The following CDK12 variants were observed in gnomAD, a reference collection of about 807,000 sequenced individuals.
CDK12 encodes the protein cyclin-dependent kinase 12.
Under a neutral mutation model 133.8 loss-of-function variants are expected in CDK12, and 17 were observed. That is an observed-to-expected ratio of 0.13 (90% CI 0.09 to 0.19). CDK12 has a LOEUF of 0.19. Among genes scored for constraint, CDK12 ranks in the 10% least tolerant of loss-of-function variants. The pLI, the probability that CDK12 is intolerant of heterozygous loss-of-function variation, is 1.00. For missense variants in CDK12, 1,508 were observed against 1,818.7 expected, an observed-to-expected ratio of 0.83 and a Z score of 3.11; for synonymous variants, 694 against 683.6, an observed-to-expected ratio of 1.02 and a Z score of -0.24.
Position 39,471,158 on chromosome 17 carries a change from G to T in CDK12, c.1326G>T (p.Leu442Phe). ...CAGTAGAGGCTAAGGATTCAGGTTTGGAGTCTAAAAAGTTACCCAGAAGTG... is the reference window on the plus strand; with the variant it reads ...CAGTAGAGGCTAAGGATTCAGGTTTTGAGTCTAAAAAGTTACCCAGAAGTG... ...NSSVEAKDSG[L>F]ESKKLPRSVK... The change falls in exon 2 of 14, where the codon TTG (leucine) becomes TTT (phenylalanine). Residue 442 changes from leucine to phenylalanine, a missense_variant. Physicochemically the swap from Leu to Phe is conservative, Grantham distance 22. This residue lies in a region of CDK12 where 347 missense variants were observed against 330.8 expected (regional missense o/e 1.05). Transcript: ENST00000447079. The T allele has an allele frequency of 6.3e-7, 1 of 1,583,202 alleles. No individual in the cohort carries two copies. The highest frequency in any genetic ancestry group is 8.6e-7 in the Non-Finnish European group (1 of 1,169,096).
intron 13 of CDK12, among the ~76,000 whole-genome samples, chr17:39,527,957 C>G (rs1251378628): frequency 6.6e-6 from 1 of 151,944 alleles, no homozygotes; most frequent in African/African-American, 2.4e-5. Context: ...TCTCTGTCAC[C>G]CAGGCTGGAA....
intron 1 of CDK12, among the ~76,000 whole-genome samples, chr17:39,542,165 G>A (rs1389290989): frequency 1.3e-5 from 2 of 151,994 alleles, no homozygotes; most frequent in Non-Finnish European, 2.9e-5. Flanking sequence ...ATATATGTGT[G>A]TGTGTGTGTA....
chr17:39,506,550 A>C (rs371718458), intron 6 of CDK12, among the ~76,000 whole-genome samples: 1 of 152,106 alleles, frequency 6.6e-6, no homozygotes, highest in South Asian at 2.1e-4. Context: ...ACTTGTGTTC[A>C]GCTCTCTAGG....
rs1363432646 is a variant in CDK12, at chr17:39,471,106, T to C, written c.1274T>C (p.Val425Ala). 3 of 1,608,870 alleles carry C rather than the reference T, an allele frequency of 1.9e-6. No individual in the cohort carries two copies. The highest frequency in any genetic ancestry group is 2.5e-6 in the Non-Finnish European group (3 of 1,178,626). Residue 425 changes from valine to alanine, a missense_variant, in exon 2 of 14, where the codon GTA (valine) becomes GCA (alanine). Coordinates refer to ENST00000447079, the MANE Select transcript of CDK12 (RefSeq NM_016507.4). ...GGAAAGGAGTCCAAGGGTTCACCTGTATTTTTGCCTAGAAAAGAGAACAGT... is the reference window on the plus strand; with the variant it reads ...GGAAAGGAGTCCAAGGGTTCACCTGCATTTTTGCCTAGAAAAGAGAACAGT... ...MDGKESKGSP[V>A]FLPRKENSSV...
At chr17:39,482,184 G>A (rs1304468639) in intron 2 of CDK12, among the ~76,000 whole-genome samples, 1 of 151,014 alleles carries the variant, frequency 6.6e-6, no homozygotes, top group East Asian at 2.0e-4. Context: ...TGCTAATTTT[G>A]TGTTTTTAAT....
intron 2 of CDK12, among the ~76,000 whole-genome samples, chr17:39,477,958 G>A (rs987765801): frequency 4.0e-5 from 6 of 151,354 alleles, no homozygotes; most frequent in East Asian, 3.9e-4. Context: ...TGCCTGCCTC[G>A]GCCTCCCAAA....
At chr17:39,542,933 C>T (rs559226217), upstream of CDK12, among the ~76,000 whole-genome samples, 1 of 152,318 alleles carries the variant, frequency 6.6e-6, no homozygotes, top group Admixed American at 6.5e-5. Context: ...TCAGAGTTAA[C>T]CCAAACTTCA....
At chr17:39,506,128 A>G (rs2053104184) in intron 6 of CDK12, among the ~76,000 whole-genome samples, 1 of 152,124 alleles carries the variant, frequency 6.6e-6, no homozygotes, top group South Asian at 2.1e-4. Flanking sequence ...CAGACAAGTA[A>G]AAGGACTAAC....
intron 7 of CDK12, 118 bp downstream of exon 7, chr17:39,509,879 C>T (rs1171848258): frequency 8.1e-6 from 6 of 742,810 alleles, no homozygotes; most frequent in South Asian, 6.3e-5. Context: ...CAGCTCGCTG[C>T]AGCCTCAACC....
At chr17:39,554,428 G>T (rs768725203) in intron 2 of CDK12, among the ~76,000 whole-genome samples, 1 of 152,138 alleles carries the variant, frequency 6.6e-6, no homozygotes, top group Non-Finnish European at 1.5e-5. Context: ...TGTGTGCCAG[G>T]TGGGCAGTAT....
At chr17:39,465,052 C>A (rs1044017616) in intron 1 of CDK12, among the ~76,000 whole-genome samples, 2 of 151,700 alleles carry the variant, frequency 1.3e-5, no homozygotes, top group Non-Finnish European at 2.9e-5. Flanking sequence ...TTGAGACCAG[C>A]GTGGCCAATG....
chr17:39,533,565 A>C lies in CDK12; in HGVS notation c.*2249A>C, dbSNP rs1397175224. On this transcript the variant is annotated 3_prime_UTR_variant, in exon 14 of 14. Coordinates refer to ENST00000447079, the MANE Select transcript of CDK12 (RefSeq NM_016507.4). The stretch of plus-strand genomic sequence containing the variant: ...ATTTCATTGTATTTTGGTTATCAGC[A>C]GTCATCAATAATGTTTTTCCCTCCC... The C allele has an allele frequency of 4.3e-6, 1 of 233,128 alleles. No homozygotes were observed. Among genetic ancestry groups the C allele is most frequent in the Non-Finnish European group, 8.5e-6 (1 of 117,970 alleles). The allele number at this position is 233,128 out of a possible 1,614,324, so 14.4% of individuals were successfully genotyped here.
chr17:39,527,651 G>A (rs527339469), intron 13 of CDK12, among the ~76,000 whole-genome samples: 3 of 151,732 alleles, frequency 2.0e-5, no homozygotes, highest in Non-Finnish European at 4.4e-5. Context: ...GGGTTCAAGC[G>A]ATTCTCCTGC....
chr17:39,463,825 C>G (rs958080415), intron 1 of CDK12, among the ~76,000 whole-genome samples: 1 of 151,754 alleles, frequency 6.6e-6, no homozygotes, highest in Non-Finnish European at 1.5e-5. Flanking sequence ...ATAATGCCTT[C>G]TTTATATTTT....
At chr17:39,503,593 C>T (rs542859767) in intron 6 of CDK12, among the ~76,000 whole-genome samples, 9 of 152,350 alleles carry the variant, frequency 5.9e-5, no homozygotes, top group African/African-American at 1.4e-4. Flanking sequence ...TTGGTGTCCT[C>T]TCTGGTGGGT....
chr17:39,466,831 A>C (rs1204112915), intron 1 of CDK12, among the ~76,000 whole-genome samples: 1 of 152,012 alleles, frequency 6.6e-6, no homozygotes, highest in Non-Finnish European at 1.5e-5. Context: ...TGTGTGCATT[A>C]CATGTTTTTC....
downstream of CDK12, among the ~76,000 whole-genome samples, chr17:39,536,141 G>T (rs1467111879): frequency 6.6e-6 from 1 of 152,076 alleles, no homozygotes; most frequent in African/African-American, 2.4e-5. Flanking sequence ...ATTACTGGTG[G>T]TACTCCTTAC....
intron 11 of CDK12, 105 bp downstream of exon 11, chr17:39,520,192 GGT>G (rs2054077823): frequency 3.3e-6 from 4 of 1,211,478 alleles, no homozygotes; most frequent in Non-Finnish European, 4.7e-6. Context: ...CAAATGAAGA[GGT>G]GTCTTTGAGT....
Position 39,492,315 on chromosome 17 carries a change from C to A in CDK12, c.2109-436C>A, listed in dbSNP as rs556127523. On this transcript the variant is annotated intron_variant, in intron 3 of 13. Coordinates refer to ENST00000447079, the MANE Select transcript of CDK12 (RefSeq NM_016507.4). Reference sequence around the variant, plus strand: ...GTTTCACCGTGTTAGCCAGGATGGTCTCTATCTCCTGACCTCGTGATCCAC... The same window carrying A: ...GTTTCACCGTGTTAGCCAGGATGGTATCTATCTCCTGACCTCGTGATCCAC... Among the ~76,000 whole-genome samples, 13 of 150,708 alleles carry A rather than the reference C, an allele frequency of 8.6e-5. No homozygotes were observed. In the South Asian group the frequency reaches 2.7e-3, roughly 32 times the overall value.
Sources: allele counts gnomAD v4.1 joint callset (sites outside exome capture counted in the v4.1 genomes callset), GRCh38; gene constraint gnomAD v4.1.1; regional missense constraint gnomAD v4.1.1; transcripts MANE v1.5; gene names NCBI Gene and HGNC (gene_info 2026-07-23, HGNC 2026-07-21).